Variants in CACNA1B observed in about 807,000 individuals in gnomAD.
CACNA1B encodes voltage-dependent N-type calcium channel subunit alpha-1B.
Under a neutral mutation model 247.2 loss-of-function variants are expected in CACNA1B, and 70 were observed. The ratio of observed to expected loss-of-function variants is 0.28; its 90% confidence interval spans 0.23 to 0.35. The LOEUF is 0.35. Ranked by LOEUF, CACNA1B falls within the 10% of genes least tolerant of loss-of-function variation. The pLI is 1.00. For synonymous variants in CACNA1B, 1,231 were observed against 1,294.4 expected (o/e 0.95, Z 1.05); for missense variants, 2,367 against 3,197.4 (o/e 0.74, Z 6.26).
In CACNA1B at chr9:138,043,795, G is replaced by C; in HGVS notation, c.3308G>C (p.Ser1103Thr). The change falls in exon 21 of 47, where the codon AGC (serine) becomes ACC (threonine). Residue 1103 changes from serine to threonine, a missense_variant. Transcript: ENST00000371372. ...GTAGGTGGTAACGTGGACCTGGAAA[G>C]CCAAGCAGAGGGGAAGAAGGAGGTG... is the stretch of plus-strand genomic sequence containing the variant. Reference protein sequence around the residue: ...VVPSGNVDLESQAEGKKEVEA... With the variant: ...VVPSGNVDLETQAEGKKEVEA... The C allele has an allele frequency of 6.2e-7, 1 of 1,613,938 alleles. No homozygotes were observed.
intron 18 of CACNA1B, among the ~76,000 whole-genome samples, chr9:138,019,632 G>T (rs1958817260): frequency 6.6e-6 from 1 of 151,834 alleles, no homozygotes; most frequent in African/African-American, 2.4e-5. Context: ...GTGGTGGTGA[G>T]GCCCCTGCCG....
intron 25 of CACNA1B, 91 bp from the exon 26 acceptor site, chr9:138,053,755 C>A: frequency 1.0e-6 from 1 of 964,918 alleles, no homozygotes; most frequent in Non-Finnish European, 1.6e-6. Flanking sequence ...GTGGCTCCAC[C>A]CCTCCCCGTG....
In CACNA1B at chr9:137,917,088, C is replaced by T. The variant is rs1441072851; in HGVS notation, c.776-153C>T. Among the ~76,000 whole-genome samples the T allele has an allele frequency of 3.9e-5, 6 of 152,002 alleles. No homozygotes were observed. The highest frequency in any genetic ancestry group is 8.8e-5 in the Non-Finnish European group (6 of 67,988). On this transcript the variant is annotated intron_variant, in intron 5 of 46. Transcript: ENST00000371372. This position sits in a 1 kb window ranked among gnomAD's most constrained non-coding sequence, Gnocchi z 5.5. ...CAAGAGGCGATGCCTGATGCAGATT[C>T]GAGGAGGGATGGTGGGAAGTTGAGG...
intron 39 of CACNA1B, among the ~76,000 whole-genome samples, chr9:138,110,598 G>A (rs533647981): frequency 1.3e-5 from 2 of 152,142 alleles, no homozygotes; most frequent in Non-Finnish European, 2.9e-5. Flanking sequence ...TGGGCATGGT[G>A]GCGCATGCCT....
intron 31 of CACNA1B, among the ~76,000 whole-genome samples, chr9:138,067,998 T>C (rs1036011177): frequency 1.1e-4 from 16 of 152,200 alleles, no homozygotes; most frequent in African/African-American, 3.6e-4. Context: ...TGATGTGAAA[T>C]TGAAACACAG....
chr9:138,102,149 A>G lies in CACNA1B; in HGVS notation c.5223-562A>G, dbSNP rs1290149952. On this transcript the variant is annotated intron_variant, in intron 37 of 46. Transcript: ENST00000371372. This position sits in a 1 kb window ranked among gnomAD's most constrained non-coding sequence, Gnocchi z 5.4. ...GGTTAGGTTTTGGCTGTACAGCTTC[A>G]GGGCTCCCTGTTTAGTTTTCTGGTT... is the stretch of plus-strand genomic sequence containing the variant. 6.6e-6 allele frequency among the ~76,000 whole-genome samples: 1 copy of G among 152,134 alleles called. No individual in the cohort carries two copies. The highest frequency in any genetic ancestry group is 1.5e-5 in the Non-Finnish European group (1 of 68,012).
chr9:137,994,193 T>C (rs769400023), intron 15 of CACNA1B, among the ~76,000 whole-genome samples: 8 of 152,196 alleles, frequency 5.3e-5, no homozygotes, highest in Non-Finnish European at 1.0e-4. Context: ...ACACGAGACA[T>C]ACCTTAATGT....
intron 35 of CACNA1B, among the ~76,000 whole-genome samples, chr9:138,076,748 G>C (rs553205603): frequency 6.6e-6 from 1 of 152,228 alleles, no homozygotes; most frequent in Non-Finnish European, 1.5e-5. Flanking sequence ...GAAGGAAGGA[G>C]CTCTTTTAGG....
intron 37 of CACNA1B, among the ~76,000 whole-genome samples, chr9:138,097,020 A>G (rs1961078680): frequency 6.6e-6 from 1 of 151,524 alleles, no homozygotes; most frequent in African/African-American, 2.4e-5. Flanking sequence ...GCACAGCCAT[A>G]GCGTCCTTGT....
At position 138,011,172 on chromosome 9, in the gene CACNA1B, G is replaced by A. The variant is rs1958719715; in HGVS notation, c.2160+1095G>A. Among the ~76,000 whole-genome samples the A allele has an allele frequency of 6.6e-6, 1 of 152,180 alleles. No individual in the cohort carries two copies. The highest frequency in any genetic ancestry group is 2.1e-4 in the South Asian group (1 of 4,832). ...GTCTTCAGCTGGGCCGCTTGGGTTG[G>A]GGGAGCCCAAGCCCCCACAGAGCTC... On this transcript the variant is annotated intron_variant, in intron 17 of 46. Transcript: ENST00000371372. This position sits in a 1 kb window ranked among gnomAD's most constrained non-coding sequence, Gnocchi z 4.2.
In CACNA1B at chr9:137,938,295, A is replaced by G. The variant is rs916532990; in HGVS notation, c.967-13979A>G. Among the ~76,000 whole-genome samples, 4 of 152,196 alleles carry G rather than the reference A, an allele frequency of 2.6e-5. No individual in the cohort carries two copies. The East Asian group carries it at 5.8e-4, about 22-fold the overall frequency. On this transcript the variant is annotated intron_variant, in intron 6 of 46. Coordinates refer to ENST00000371372, the MANE Select transcript of CACNA1B (RefSeq NM_000718.4). Reference sequence around the variant, plus strand: ...TTGAAACAAATTTTCAAAATACACCAAAATGGAACCTCCTTAAAGCATAAA... The same window carrying G: ...TTGAAACAAATTTTCAAAATACACCGAAATGGAACCTCCTTAAAGCATAAA...
At chr9:138,040,462 ATATG>A (rs1351449565) in intron 20 of CACNA1B, 1 of 175,574 alleles carries the variant, frequency 5.7e-6, no homozygotes, top group African/African-American at 2.6e-5. Flanking sequence ...TCCTATATAT[ATATG>A]TATCTCCTAT....
chr9:138,028,023 C>CTTT lies in CACNA1B; in HGVS notation c.3286+2877_3286+2879dup, dbSNP rs541594878. 5.4e-4 allele frequency among the ~76,000 whole-genome samples: 53 copies of CTTT among 98,770 alleles called. 2 individuals are homozygous for CTTT. Among genetic ancestry groups the CTTT allele is most frequent in the East Asian group, 1.6e-3 (5 of 3,032 alleles). 64.8% of individuals were successfully genotyped at this position (98,770 alleles called of 152,430 possible). On this transcript the variant is annotated intron_variant, in intron 20 of 46. Coordinates refer to ENST00000371372, the MANE Select transcript of CACNA1B (RefSeq NM_000718.4). ...GGTCTCATTTCCACTCCCCCCCAACCTTTTTTTTTTTTTTTTTTTTTTTTT... is the reference window on the plus strand; with the variant it reads ...GGTCTCATTTCCACTCCCCCCCAACCTTTTTTTTTTTTTTTTTTTTTTTTTTTT...
chr9:137,935,908 G>A (rs1040040330), intron 6 of CACNA1B, among the ~76,000 whole-genome samples: 12 of 152,174 alleles, frequency 7.9e-5, no homozygotes, highest in Admixed American at 4.6e-4. Flanking sequence ...CCAGGCTGGA[G>A]TGCAGTGGCA....
chr9:138,101,376 G>C (rs1026913112), intron 37 of CACNA1B, among the ~76,000 whole-genome samples: 3 of 152,192 alleles, frequency 2.0e-5, no homozygotes, highest in Non-Finnish European at 4.4e-5. Context: ...GACCCTTCTA[G>C]CTGGCTGGGG....
chr9:138,076,943 G>C (rs1564275167), intron 35 of CACNA1B, among the ~76,000 whole-genome samples: 1 of 152,360 alleles, frequency 6.6e-6, no homozygotes, highest in East Asian at 1.9e-4. Flanking sequence ...ACTGTCCCCA[G>C]ATGATGTTGT....
Position 138,051,708 on chromosome 9 carries a change from C to G in CACNA1B, c.3711-384C>G, listed in dbSNP as rs566854621. ...CCAAAAAGCAAGGAAAAAAGCCCTT[C>G]CAGAAGATTCTCGCCCTAGAAACGT... On this transcript the variant is annotated intron_variant, in intron 24 of 46. Coordinates refer to ENST00000371372, the MANE Select transcript of CACNA1B (RefSeq NM_000718.4). This position sits in a 1 kb window ranked among gnomAD's most constrained non-coding sequence, Gnocchi z 4.3. 1.3e-5 allele frequency among the ~76,000 whole-genome samples: 2 copies of G among 152,152 alleles called. No homozygotes were observed. The highest frequency in any genetic ancestry group is 2.9e-5 in the Non-Finnish European group (2 of 68,024).
intron 17 of CACNA1B, 34 bp from the exon 18 acceptor site, chr9:138,013,095 G>A: frequency 6.6e-7 from 1 of 1,517,378 alleles, no homozygotes; most frequent in East Asian, 2.3e-5. Context: ...ATAACACTGT[G>A]AGGGGAACTG....
At chr9:138,113,824 A>ATT (rs1961753615) in intron 40 of CACNA1B, among the ~76,000 whole-genome samples, 6 of 139,034 alleles carry the variant, frequency 4.3e-5, no homozygotes, top group Admixed American at 3.6e-4. Context: ...GAGCGCCGGG[A>ATT]GGTGCCCAAC....
Sources: gnomAD v4.1 joint callset for allele counts (sites outside exome capture counted in the v4.1 genomes callset) on GRCh38, gnomAD v4.1.1 for gene constraint, Gnocchi (gnomAD v3.1) non-coding constraint, MANE v1.5 for transcripts, NCBI Gene and HGNC (gene_info 2026-07-23, HGNC 2026-07-21) for gene names.